Variants in TNNI3K observed in about 807,000 individuals in gnomAD.
The protein encoded by TNNI3K is TNNI3 interacting kinase, also known as serine/threonine-protein kinase TNNI3K.
TNNI3K carries 140 observed loss-of-function variants against 114.5 expected under a neutral mutation model. The ratio of observed to expected loss-of-function variants is 1.22; its 90% confidence interval spans 1.07 to 1.41. The LOEUF (loss-of-function observed/expected upper bound fraction) is 1.41, where lower values mean the gene tolerates loss of function less well. Ranked by LOEUF, TNNI3K falls within the 40% of genes most tolerant of loss-of-function variation. TNNI3K has a pLI of 0.00. For missense variants in TNNI3K, 1,125 were observed against 1,007.6 expected, an observed-to-expected ratio of 1.12 and a Z score of -1.58; for synonymous variants, 347 against 347.5, an observed-to-expected ratio of 1.00 and a Z score of 0.02.
At chr1:74,461,309 C>T (rs1041898308) in intron 20 of TNNI3K, among the ~76,000 whole-genome samples, 10 of 152,026 alleles carry the variant, frequency 6.6e-5, no homozygotes, top group Non-Finnish European at 1.3e-4. Context: ...GAAATCCCAT[C>T]TCTACTAAAA....
chr1:74,465,150 C>A (rs1254031484), intron 21 of TNNI3K, among the ~76,000 whole-genome samples: 1 of 152,236 alleles, frequency 6.6e-6, no homozygotes, highest in Non-Finnish European at 1.5e-5. Flanking sequence ...ACTCTCGGGG[C>A]CTCCTTGGCC....
intron 17 of TNNI3K, among the ~76,000 whole-genome samples, chr1:74,428,640 T>G (rs1045155191): frequency 6.6e-6 from 1 of 152,022 alleles, no homozygotes; most frequent in Non-Finnish European, 1.5e-5. Context: ...GTGTCAAGAA[T>G]GTAGGATGAA....
At chr1:74,403,106 G>A (rs765971478) in intron 17 of TNNI3K, among the ~76,000 whole-genome samples, 1 of 151,924 alleles carries the variant, frequency 6.6e-6, no homozygotes, top group South Asian at 2.1e-4. Context: ...TTCTATCTAT[G>A]TGCTTCTGGG....
chr1:74,357,676 C>T (rs3765666), intron 11 of TNNI3K, among the ~76,000 whole-genome samples: 11,158 of 152,068 alleles, frequency 0.073, 579 homozygotes, highest in African/African-American at 0.14. Context: ...TCCTGGTGAC[C>T]GTCATCCTAC....
At chr1:74,318,616 C>T (rs1160153370) in intron 5 of TNNI3K, among the ~76,000 whole-genome samples, 1 of 152,136 alleles carries the variant, frequency 6.6e-6, no homozygotes, top group Non-Finnish European at 1.5e-5. Flanking sequence ...TAGGTTTATA[C>T]CTCTCTATAG....
In TNNI3K at chr1:74,346,559, A is replaced by T. The variant is rs536225948; in HGVS notation, c.932+3380A>T. ...AGAATCTTTAGGATTTTCTCACCAT[A>T]TATCCACATTTTAATTTAGCCTTTG... On this transcript the variant is annotated intron_variant, in intron 9 of 24. Transcript: ENST00000326637. Among the ~76,000 whole-genome samples the T allele has an allele frequency of 4.0e-5, 6 of 151,838 alleles. No homozygotes were observed. In the South Asian group the frequency reaches 1.3e-3, roughly 32 times the overall value.
chr1:74,363,984 T>TATTATC (rs1662119332), intron 11 of TNNI3K, among the ~76,000 whole-genome samples: 1 of 145,684 alleles, frequency 6.9e-6, no homozygotes, highest in Non-Finnish European at 1.5e-5. Flanking sequence ...TTATTATTAT[T>TATTATC]ATTATTATTA....
chr1:74,264,668 A>G (rs1557460132), intron 4 of TNNI3K, among the ~76,000 whole-genome samples: 2 of 152,054 alleles, frequency 1.3e-5, no homozygotes. Context: ...ATGACACTTC[A>G]GGGAATATTA....
intron 23 of TNNI3K, among the ~76,000 whole-genome samples, chr1:74,507,605 A>G (rs998225507): frequency 3.3e-5 from 5 of 152,158 alleles, no homozygotes; most frequent in African/African-American, 1.2e-4. Flanking sequence ...TTCTGGCCCC[A>G]AAGTCTCTTT....
intron 23 of TNNI3K, among the ~76,000 whole-genome samples, chr1:74,505,539 A>T (rs1322459998): frequency 6.6e-6 from 1 of 151,998 alleles, no homozygotes; most frequent in African/African-American, 2.4e-5. Context: ...AACAGGTTTA[A>T]TTCCTCATGG....
chr1:74,444,167 G>A (rs1311501372), intron 20 of TNNI3K, among the ~76,000 whole-genome samples: 2 of 152,116 alleles, frequency 1.3e-5, no homozygotes, highest in African/African-American at 4.8e-5. Flanking sequence ...AGAACAATCA[G>A]GACAAGTGAA....
chr1:74,424,309 G>A (rs17603473), intron 17 of TNNI3K, among the ~76,000 whole-genome samples: 12,595 of 152,186 alleles, frequency 0.083, 682 homozygotes, highest in Non-Finnish European at 0.13. Flanking sequence ...AATAGTTTAC[G>A]TTGAAAAGGT....
At chr1:74,524,168 GAA>G (rs1646471524) in intron 23 of TNNI3K, among the ~76,000 whole-genome samples, 1 of 152,248 alleles carries the variant, frequency 6.6e-6, no homozygotes. Context: ...TCTTCTTTGT[GAA>G]AAGTCTTTAA....
intron 21 of TNNI3K, among the ~76,000 whole-genome samples, chr1:74,488,473 G>A (rs531024572): frequency 6.6e-6 from 1 of 152,190 alleles, no homozygotes; most frequent in East Asian, 1.9e-4. Flanking sequence ...AGAAATGATA[G>A]GGTGTATAGT....
At chr1:74,400,639 T>C (rs147380155) in intron 17 of TNNI3K, among the ~76,000 whole-genome samples, 1 of 152,288 alleles carries the variant, frequency 6.6e-6, no homozygotes, top group East Asian at 1.9e-4. Context: ...CCTACAGCAA[T>C]TCCCTCCTTC....
intron 6 of TNNI3K, among the ~76,000 whole-genome samples, chr1:74,335,565 A>C (rs532023158): frequency 2.0e-5 from 3 of 152,290 alleles, no homozygotes; most frequent in South Asian, 4.1e-4. Flanking sequence ...CTCACAGTAA[A>C]TCTTTCCCCT....
chr1:74,526,624 A>G (rs1382215556), intron 23 of TNNI3K, among the ~76,000 whole-genome samples: 1 of 152,242 alleles, frequency 6.6e-6, no homozygotes, highest in Non-Finnish European at 1.5e-5. Flanking sequence ...GGTAAACACT[A>G]AATAAATATA....
chr1:74,382,728 C>A (rs1428233970), intron 17 of TNNI3K, among the ~76,000 whole-genome samples: 1 of 152,152 alleles, frequency 6.6e-6, no homozygotes, highest in Non-Finnish European at 1.5e-5. Flanking sequence ...AGTCACTAAA[C>A]CCTCATTTAA....
At chr1:74,514,791 G>T (rs1033092100) in intron 23 of TNNI3K, among the ~76,000 whole-genome samples, 7 of 152,062 alleles carry the variant, frequency 4.6e-5, no homozygotes, top group East Asian at 1.9e-4. Flanking sequence ...GGGTTGAATT[G>T]TATCCCCCAA....
Sources: allele counts gnomAD v4.1 joint callset (sites outside exome capture counted in the v4.1 genomes callset), GRCh38; gene constraint gnomAD v4.1.1; transcripts MANE v1.5; gene names NCBI Gene and HGNC (gene_info 2026-07-23, HGNC 2026-07-21).